SLC25A15: variants seen among roughly 807,000 people sequenced by gnomAD.
The protein encoded by SLC25A15 is solute carrier family 25 member 15, also known as mitochondrial ornithine transporter 1.
SLC25A15 carries 24 observed loss-of-function variants against 32.3 expected under a neutral mutation model. That is an observed-to-expected ratio of 0.74 (90% CI 0.54 to 1.04). The LOEUF (loss-of-function observed/expected upper bound fraction) is 1.04. Ranked by LOEUF, SLC25A15 falls within the 50% of genes least tolerant of loss-of-function variation. The pLI is 0.00. For synonymous variants in SLC25A15, 132 were observed against 142.1 expected (o/e 0.93, Z 0.51); for missense variants, 317 against 374.5 (o/e 0.85, Z 1.27).
chr13:40,797,120 T>C (rs578066075), intron 2 of SLC25A15, among the ~76,000 whole-genome samples: 1 of 152,310 alleles, frequency 6.6e-6, no homozygotes, highest in South Asian at 2.1e-4. Flanking sequence ...GAGGGCACAG[T>C]GAGCGCCGTG....
Position 40,793,175 on chromosome 13 carries a change from C to T in SLC25A15, c.-52C>T. 4.4e-6 allele frequency: 7 copies of T among 1,596,964 alleles called. No homozygotes were observed. Among genetic ancestry groups the T allele is most frequent in the Non-Finnish European group, 4.3e-6 (5 of 1,164,972 alleles). On this transcript the variant is annotated 5_prime_UTR_variant, in exon 2 of 7. Coordinates refer to ENST00000338625, the MANE Select transcript of SLC25A15 (RefSeq NM_014252.4). ...CCCCCCAGGGATATGTGGTGCCTGT[C>T]ATAAGCTCCAGAGAGCTGCCTTCCA...
intron 3 of SLC25A15, 142 bp downstream of exon 3, chr13:40,799,457 C>T: frequency 1.0e-6 from 1 of 964,074 alleles, no homozygotes; most frequent in Non-Finnish European, 1.6e-6. Context: ...TCAAAACCAG[C>T]CTGGGCAACA....
chr13:40,811,705 C>A lies in SLC25A15; in HGVS notation c.*2038C>A, dbSNP rs1593297744. ...TCATTTTGTGCTGCTCCAACACCAG[C>A]AGGGTATCTCCCAATAAAGTGTTCC... On this transcript the variant is annotated 3_prime_UTR_variant, in exon 7 of 7. Transcript: ENST00000338625. Among the ~76,000 whole-genome samples the A allele has an allele frequency of 6.6e-6, 1 of 152,200 alleles. No individual in the cohort carries two copies. Among genetic ancestry groups the A allele is most frequent in the East Asian group, 1.9e-4 (1 of 5,198 alleles).
intron 2 of SLC25A15, among the ~76,000 whole-genome samples, chr13:40,794,977 G>T (rs1266668109): frequency 6.6e-6 from 1 of 152,166 alleles, no homozygotes; most frequent in African/African-American, 2.4e-5. Flanking sequence ...GCCTAATGAG[G>T]AGCACTGGGC....
intron 6 of SLC25A15, among the ~76,000 whole-genome samples, chr13:40,809,316 T>C (rs1882343798): frequency 6.6e-6 from 1 of 152,194 alleles, no homozygotes; most frequent in African/African-American, 2.4e-5. Flanking sequence ...AGCGTGGAAT[T>C]GGGGTATGTT....
In SLC25A15 at chr13:40,799,388, T is replaced by G. The variant is rs936876404; in HGVS notation, c.314+73T>G. ...AAAACTGGCAAGACATGGTGGCTCA[T>G]GCCTGTAATCCCAGCACTTTGGGAG... On this transcript the variant is annotated intron_variant, in intron 3 of 6. Coordinates refer to ENST00000338625, the MANE Select transcript of SLC25A15 (RefSeq NM_014252.4). The G allele has an allele frequency of 2.5e-6, 4 of 1,591,798 alleles. No homozygotes were observed. In the African/African-American group the frequency reaches 5.4e-5, roughly 21 times the overall value.
At chr13:40,801,424 C>T (rs1299897039) in intron 3 of SLC25A15, among the ~76,000 whole-genome samples, 1 of 151,980 alleles carries the variant, frequency 6.6e-6, no homozygotes, top group South Asian at 2.1e-4. Flanking sequence ...TAGCCCTCAC[C>T]GTGATCCTGT....
chr13:40,809,509 T>C (rs753280784), intron 6 of SLC25A15, 34 bp from the exon 7 acceptor site: 2 of 1,611,946 alleles, frequency 1.2e-6, no homozygotes. Flanking sequence ...AAGGAGGGAT[T>C]GTTGCAGTCT....
intron 2 of SLC25A15, among the ~76,000 whole-genome samples, chr13:40,795,417 T>C (rs1339045451): frequency 6.6e-6 from 1 of 152,246 alleles, no homozygotes. Flanking sequence ...ACAAGTTAGT[T>C]TGAAAGATAG....
chr13:40,808,443 G>C lies in SLC25A15; in HGVS notation c.628G>C (p.Val210Leu). Residue 210 changes from valine (V) to leucine (L), a missense_variant, in exon 6 of 7, where the codon GTA becomes CTA. By Grantham distance (32) the Val-to-Leu change is conservative. Coordinates refer to ENST00000338625, the MANE Select transcript of SLC25A15 (RefSeq NM_014252.4). ...SGRSKDELGP[V>L]PLMLSGGVGG... ...GCTATTTTTTTTTTCTCTAGGCCCT[G>C]TACCTTTGATGTTAAGTGGTGGAGT... 2 of 1,612,814 alleles carry C rather than the reference G, an allele frequency of 1.2e-6. No homozygotes were observed. Among genetic ancestry groups the C allele is most frequent in the South Asian group, 2.2e-5 (2 of 91,060 alleles).
chr13:40,804,429 A>G (rs957107191), intron 3 of SLC25A15, among the ~76,000 whole-genome samples: 3 of 152,104 alleles, frequency 2.0e-5, no homozygotes, highest in African/African-American at 7.2e-5. Context: ...GACTGGCCAC[A>G]TTATGTCATC....
At chr13:40,799,383 G>T in intron 3 of SLC25A15, 68 bp downstream of exon 3, 1 of 1,592,086 alleles carries the variant, frequency 6.3e-7, no homozygotes, top group East Asian at 2.2e-5. Context: ...AGACATGGTG[G>T]CTCATGCCTG....
intron 4 of SLC25A15, among the ~76,000 whole-genome samples, chr13:40,805,868 T>C (rs1424772624): frequency 2.0e-5 from 3 of 152,254 alleles, no homozygotes; most frequent in Non-Finnish European, 4.4e-5. Context: ...TACTGTTTCA[T>C]ACACAATTTG....
chr13:40,807,246 T>C, intron 4 of SLC25A15, 48 bp from the exon 5 acceptor site: 2 of 1,586,352 alleles, frequency 1.3e-6, no homozygotes, highest in Non-Finnish European at 1.7e-6. Context: ...TGTCTTTTCT[T>C]CCTTCCCACC....
chr13:40,805,265 A>G lies in SLC25A15; in HGVS notation c.452+10A>G. ...TAGCCAAGAGCCAGAAGTAAGCACC[A>G]CTTGGGCACAAACGTCAGGTCTCTA... is the stretch of plus-strand genomic sequence containing the variant. On this transcript the variant is annotated intron_variant, in intron 4 of 6. Coordinates refer to ENST00000338625, the MANE Select transcript of SLC25A15 (RefSeq NM_014252.4). The G allele has an allele frequency of 6.2e-7, 1 of 1,614,122 alleles. No homozygotes were observed. Among genetic ancestry groups the G allele is most frequent in the Non-Finnish European group, 8.5e-7 (1 of 1,179,990 alleles).
chr13:40,791,081 C>T (rs1173782758), intron 1 of SLC25A15, among the ~76,000 whole-genome samples: 1 of 151,684 alleles, frequency 6.6e-6, no homozygotes, highest in Non-Finnish European at 1.5e-5. Flanking sequence ...CAGTTGCCCC[C>T]GTTTTTTTCT....
intron 3 of SLC25A15, among the ~76,000 whole-genome samples, chr13:40,801,820 C>G (rs182236207): frequency 2.6e-5 from 4 of 152,194 alleles, no homozygotes; most frequent in Admixed American, 2.6e-4. Context: ...ATGATTCTTA[C>G]AAAATCCCAT....
rs1349793791 is a variant in SLC25A15, at chr13:40,793,283, TAC to T, written c.55+4_55+5del. 1.9e-6 allele frequency: 3 copies of T among 1,612,440 alleles called. No homozygotes were observed. Among genetic ancestry groups the T allele is most frequent in the East Asian group, 2.2e-5 (1 of 44,880 alleles). Reference sequence around the variant, plus strand: ...TTGACCTCACAGCGGGGGCTGCAGGTACAGTCATGTGCCTCATCACCATGTTT... The same window carrying T: ...TTGACCTCACAGCGGGGGCTGCAGGTAGTCATGTGCCTCATCACCATGTTT... On this transcript the variant is annotated splice_donor_region_variant and intron_variant, in intron 2 of 6. Transcript: ENST00000338625.
chr13:40,796,177 G>A (rs1246937979), intron 2 of SLC25A15, among the ~76,000 whole-genome samples: 1 of 152,218 alleles, frequency 6.6e-6, no homozygotes, highest in African/African-American at 2.4e-5. Context: ...AGCCCGAGGT[G>A]ATGTGGATGG....
Sources: allele counts gnomAD v4.1 joint callset (sites outside exome capture counted in the v4.1 genomes callset), GRCh38; gene constraint gnomAD v4.1.1; transcripts MANE v1.5; gene names NCBI Gene and HGNC (gene_info 2026-07-23, HGNC 2026-07-21).